The following BRINP3 variants were observed in gnomAD, a reference collection of about 807,000 sequenced individuals.
BRINP3 encodes the protein BMP/retinoic acid inducible neural specific 3.
A neutral mutation model predicts 71.0 loss-of-function variants in BRINP3; 19 were observed. That is an observed-to-expected ratio of 0.27 (90% CI 0.19 to 0.39). BRINP3 has a LOEUF of 0.39. Ranked by LOEUF, BRINP3 falls within the 10% of genes least tolerant of loss-of-function variation. The pLI is 1.00. For missense variants in BRINP3, 959 were observed against 940.8 expected (o/e 1.02, Z -0.25); for synonymous variants, 380 against 337.7 (o/e 1.13, Z -1.37).
intron 2 of BRINP3, among the ~76,000 whole-genome samples, chr1:190,390,931 T>C (rs1265728542): frequency 6.6e-6 from 1 of 151,798 alleles, no homozygotes; most frequent in Admixed American, 6.6e-5. Context: ...TTGTATTAGT[T>C]AATATGATAA....
chr1:190,271,229 T>A (rs1192384197), intron 3 of BRINP3, among the ~76,000 whole-genome samples: 1 of 151,648 alleles, frequency 6.6e-6, no homozygotes, highest in Non-Finnish European at 1.5e-5. Flanking sequence ...CAGAAATGTA[T>A]AATCAGTTTT....
chr1:190,452,636 A>G (rs935426590), intron 2 of BRINP3, among the ~76,000 whole-genome samples: 1 of 152,174 alleles, frequency 6.6e-6, no homozygotes, highest in Non-Finnish European at 1.5e-5. Flanking sequence ...CGGCAGGCGG[A>G]TCACTTGAAG....
chr1:190,336,428 T>G (rs1667288197), intron 2 of BRINP3, among the ~76,000 whole-genome samples: 2 of 152,016 alleles, frequency 1.3e-5, no homozygotes, highest in South Asian at 4.1e-4. Context: ...GCCATATAGA[T>G]CTATGTTAAC....
intron 6 of BRINP3, among the ~76,000 whole-genome samples, chr1:190,225,118 A>T (rs1159778720): frequency 1.3e-5 from 2 of 151,902 alleles, no homozygotes; most frequent in African/African-American, 4.8e-5. Context: ...TAATCTCACT[A>T]CTGAATATAT....
chr1:190,147,203 G>A (rs959594226), intron 7 of BRINP3, among the ~76,000 whole-genome samples: 11 of 151,962 alleles, frequency 7.2e-5, no homozygotes, highest in Non-Finnish European at 1.6e-4. Context: ...CAACTAACAA[G>A]CATATTTTAT....
At chr1:190,228,152 T>C (rs1375541759) in intron 5 of BRINP3, among the ~76,000 whole-genome samples, 2 of 152,054 alleles carry the variant, frequency 1.3e-5, no homozygotes, top group African/African-American at 2.4e-5. Context: ...ATTCAGAAAT[T>C]TTCTTAATCG....
intron 7 of BRINP3, among the ~76,000 whole-genome samples, chr1:190,154,474 T>A (rs933692060): frequency 2.6e-5 from 4 of 152,138 alleles, no homozygotes; most frequent in Non-Finnish European, 4.4e-5. Context: ...AAATAAGACA[T>A]TTTTCTTTTG....
intron 7 of BRINP3, among the ~76,000 whole-genome samples, chr1:190,121,091 C>A (rs763156367): frequency 6.6e-6 from 1 of 152,014 alleles, no homozygotes; most frequent in Non-Finnish European, 1.5e-5. Flanking sequence ...TCTATGAAAT[C>A]ATGAATAAAT....
intron 5 of BRINP3, among the ~76,000 whole-genome samples, chr1:190,228,782 C>T (rs1235061675): frequency 3.0e-5 from 3 of 100,404 alleles, no homozygotes; most frequent in Non-Finnish European, 6.3e-5. Context: ...GGGCTGGCCA[C>T]GGAATTTTCT....
intron 6 of BRINP3, among the ~76,000 whole-genome samples, chr1:190,216,737 T>C (rs1656451337): frequency 6.6e-6 from 1 of 151,854 alleles, no homozygotes. Context: ...TACAAACAGG[T>C]TATCTTGACC....
At chr1:190,141,555 C>CTTTTTTTTTTTTTTTT (rs35090212) in intron 7 of BRINP3, among the ~76,000 whole-genome samples, 5 of 82,398 alleles carry the variant, frequency 6.1e-5, no homozygotes, top group East Asian at 4.2e-4. Flanking sequence ...TCTTTCTTTC[C>CTTTTTTTTTTTTTTTT]TTTTTTTTTT....
At chr1:190,347,457 T>C (rs1319179398) in intron 2 of BRINP3, among the ~76,000 whole-genome samples, 3 of 151,354 alleles carry the variant, frequency 2.0e-5, no homozygotes, top group Non-Finnish European at 4.4e-5. Flanking sequence ...TAATTCTTAA[T>C]ATTCACAAAC....
intron 2 of BRINP3, among the ~76,000 whole-genome samples, chr1:190,328,526 G>T (rs1192616397): frequency 1.3e-5 from 2 of 151,870 alleles, no homozygotes; most frequent in Non-Finnish European, 2.9e-5. Flanking sequence ...ATCTAGTTCA[G>T]AAATTGAATC....
At chr1:190,199,784 A>C (rs563255259) in intron 6 of BRINP3, among the ~76,000 whole-genome samples, 2,237 of 145,674 alleles carry the variant, frequency 0.015, 86 homozygotes, top group African/African-American at 0.052. Context: ...AAAAAAAAAA[A>C]CAAAAACAAA....
intron 2 of BRINP3, among the ~76,000 whole-genome samples, chr1:190,286,959 C>T (rs1439872731): frequency 6.6e-6 from 1 of 151,952 alleles, no homozygotes; most frequent in East Asian, 1.9e-4. Context: ...TGGCTCATGC[C>T]TGTAATCCAA....
chr1:190,247,909 C>CAT (rs1051096155), intron 4 of BRINP3, among the ~76,000 whole-genome samples: 1 of 151,894 alleles, frequency 6.6e-6, no homozygotes, highest in Non-Finnish European at 1.5e-5. Context: ...TGGGGTCTTA[C>CAT]ATTTATGGGT....
chr1:190,390,962 C>A (rs180998618), intron 2 of BRINP3, among the ~76,000 whole-genome samples: 1 of 151,692 alleles, frequency 6.6e-6, no homozygotes, highest in African/African-American at 2.4e-5. Context: ...TAAATGTAAT[C>A]CTTTAGAGTA....
intron 3 of BRINP3, among the ~76,000 whole-genome samples, chr1:190,278,395 C>G (rs1184490287): frequency 6.6e-6 from 1 of 151,434 alleles, no homozygotes. Context: ...TGGAGAAATA[C>G]AATTTCATGT....
chr1:190,158,774 G>GA (rs1321401044), intron 7 of BRINP3, among the ~76,000 whole-genome samples: 4 of 147,270 alleles, frequency 2.7e-5, no homozygotes, highest in African/African-American at 1.0e-4. Context: ...AACTAAAAAT[G>GA]AAAAAAATAA....
Sources: gnomAD v4.1 joint callset for allele counts (sites outside exome capture counted in the v4.1 genomes callset) on GRCh38, gnomAD v4.1.1 for gene constraint, MANE v1.5 for transcripts, NCBI Gene and HGNC (gene_info 2026-07-23, HGNC 2026-07-21) for gene names.